Variants in SRSF9 observed in about 807,000 individuals in gnomAD.
SRSF9 encodes the protein serine/arginine-rich splicing factor 9.
In SRSF9, 3 loss-of-function variants were observed where a neutral mutation model predicts 25.9. The observed-to-expected ratio is 0.12, with a 90% CI of 0.05 to 0.30. SRSF9 has a LOEUF of 0.30. Ranked by LOEUF, SRSF9 falls within the 10% of genes least tolerant of loss-of-function variation. The probability of loss-of-function intolerance (pLI) is 1.00; values close to 1 mark genes in which losing one functional copy is unlikely to be tolerated. For missense variants in SRSF9, 161 were observed against 303.5 expected (o/e 0.53, Z 3.49); for synonymous variants, 114 against 113.2 (o/e 1.01, Z -0.05).
intron 1 of SRSF9, among the ~76,000 whole-genome samples, chr12:120,468,499 T>C (rs1878540227): frequency 6.6e-6 from 1 of 152,226 alleles, no homozygotes; most frequent in African/African-American, 2.4e-5. Flanking sequence ...CGGTGCTTCC[T>C]GCCTGCCCTT....
rs868301955 is a variant in SRSF9, at chr12:120,469,697, C to G, written c.-88G>C. Reference sequence around the variant, plus strand: ...TCCCCCCGCAGCGTCCCCGCGGGCTCCGAGGCGCTCAGCCGCACTGCATTG... The same window carrying G: ...TCCCCCCGCAGCGTCCCCGCGGGCTGCGAGGCGCTCAGCCGCACTGCATTG... On this transcript the variant is annotated 5_prime_UTR_variant, in exon 1 of 4. Coordinates refer to ENST00000229390, the MANE Select transcript of SRSF9 (RefSeq NM_003769.3). 4.7e-6 allele frequency: 4 copies of G among 860,016 alleles called. No individual in the cohort carries two copies. The highest frequency in any genetic ancestry group is 4.7e-5 in the Admixed American group (1 of 21,124). The allele number at this position is 860,016 out of a possible 1,614,324, so 53.3% of individuals were successfully genotyped here. A position where few individuals can be genotyped will look rare whatever the true frequency, so the allele number is the denominator to read the frequency against.
At chr12:120,466,171 C>T (rs1344218704) in intron 1 of SRSF9, among the ~76,000 whole-genome samples, 2 of 152,144 alleles carry the variant, frequency 1.3e-5, no homozygotes, top group African/African-American at 4.8e-5. Flanking sequence ...ACACTAACCC[C>T]TTAATATTTT....
intron 2 of SRSF9, 93 bp downstream of exon 2, chr12:120,465,534 G>T: frequency 1.5e-6 from 2 of 1,378,974 alleles, no homozygotes; most frequent in Non-Finnish European, 1.9e-6. Flanking sequence ...CGTGTCCCAT[G>T]CACTGAAGAA....
chr12:120,462,101 G>C lies in SRSF9; in HGVS notation c.584C>G (p.Ser195Cys). The change falls in exon 4 of 4, where the codon TCT becomes TGT. Residue 195 changes from serine to cysteine, a missense_variant. Around this residue, in one of 3 missense-constraint regions of SRSF9, gnomAD observed 41 missense variants for 126.7 expected, o/e 0.32. Transcript: ENST00000229390. ...ERSTSYGYSR[S>C]RSGSRGRDSP... ...GTCACGGCCCCTTGACCCAGACCGA[G>C]ACCGTGAGTAGCCATAGCTGGTGCT... 1 of 1,612,580 alleles carries C rather than the reference G, an allele frequency of 6.2e-7. No homozygotes were observed. The highest frequency in any genetic ancestry group is 8.5e-7 in the Non-Finnish European group (1 of 1,179,932).
chr12:120,465,995 C>T (rs776122709), intron 1 of SRSF9, among the ~76,000 whole-genome samples: 17 of 151,978 alleles, frequency 1.1e-4, no homozygotes, highest in African/African-American at 1.7e-4. Context: ...AGCTGTCACA[C>T]GCAGTTTTAG....
chr12:120,466,635 C>T (rs1419332192), intron 1 of SRSF9, among the ~76,000 whole-genome samples: 1 of 152,044 alleles, frequency 6.6e-6, no homozygotes, highest in Non-Finnish European at 1.5e-5. Flanking sequence ...CTCTTGGGCG[C>T]AAGCAATCCT....
intron 3 of SRSF9, 73 bp downstream of exon 3, chr12:120,463,865 GGCATGGCCTCTT>G: frequency 6.8e-7 from 1 of 1,473,324 alleles, no homozygotes; most frequent in Non-Finnish European, 9.2e-7. Context: ...GTTACCAAAT[GGCATGGCCTCTT>G]GCTACCTCTG....
chr12:120,463,905 G>A lies in SRSF9; in HGVS notation c.522+45C>T, dbSNP rs774700766. On this transcript the variant is annotated intron_variant, in intron 3 of 3. Coordinates refer to ENST00000229390, the MANE Select transcript of SRSF9 (RefSeq NM_003769.3). ...TACCTCTGCTAGGTCAGGTTCAAGTGGAGTGATTTGAGTACAAGCTCCTCA... is the reference window on the plus strand; with the variant it reads ...TACCTCTGCTAGGTCAGGTTCAAGTAGAGTGATTTGAGTACAAGCTCCTCA... 6.4e-6 allele frequency: 10 copies of A among 1,561,188 alleles called. 1 individual carries two copies. In the South Asian group the frequency reaches 1.2e-4, roughly 19 times the overall value.
At chr12:120,468,275 TA>T (rs1305098465) in intron 1 of SRSF9, among the ~76,000 whole-genome samples, 1 of 151,448 alleles carries the variant, frequency 6.6e-6, no homozygotes, top group Admixed American at 6.6e-5. Flanking sequence ...TTTATCAATC[TA>T]AAAAAATAAG....
Position 120,469,409 on chromosome 12 carries a change from G to T in SRSF9, c.188+13C>A. The T allele has an allele frequency of 6.4e-7, 1 of 1,570,154 alleles. No homozygotes were observed. Among genetic ancestry groups the T allele is most frequent in the Admixed American group, 1.8e-5 (1 of 56,030 alleles). On this transcript the variant is annotated intron_variant, in intron 1 of 3. Transcript: ENST00000229390. ...GCACCGAGGAGGAGAGGGCAGGGGC[G>T]CGGGGGCCTCACCGGGGGTCCTCGA...
At chr12:120,466,661 T>C (rs898520371) in intron 1 of SRSF9, among the ~76,000 whole-genome samples, 1 of 152,114 alleles carries the variant, frequency 6.6e-6, no homozygotes, top group Non-Finnish European at 1.5e-5. Flanking sequence ...CTCAGCCTCC[T>C]GAATAGCTAG....
intron 1 of SRSF9, among the ~76,000 whole-genome samples, chr12:120,468,444 T>C (rs1371851257): frequency 6.6e-6 from 1 of 152,174 alleles, no homozygotes; most frequent in African/African-American, 2.4e-5. Context: ...GAGGAGATAC[T>C]AGGGATGAGC....
chr12:120,468,407 A>G (rs923946025), intron 1 of SRSF9, among the ~76,000 whole-genome samples: 2 of 152,200 alleles, frequency 1.3e-5, no homozygotes, highest in East Asian at 3.8e-4. Context: ...AGGGGTAAAA[A>G]TGCCCAGTTC....
chr12:120,467,330 G>A (rs374541832), intron 1 of SRSF9, among the ~76,000 whole-genome samples: 24 of 152,098 alleles, frequency 1.6e-4, no homozygotes, highest in African/African-American at 5.3e-4. Flanking sequence ...GAAACCCCTC[G>A]TCTCTACTAA....
chr12:120,468,246 A>C (rs1878533756), intron 1 of SRSF9, among the ~76,000 whole-genome samples: 2 of 151,912 alleles, frequency 1.3e-5, no homozygotes. Flanking sequence ...CAGCCTGAGC[A>C]ACATGGTGAA....
intron 1 of SRSF9, among the ~76,000 whole-genome samples, chr12:120,466,111 C>T (rs912288141): frequency 7.2e-5 from 11 of 152,246 alleles, no homozygotes; most frequent in African/African-American, 2.6e-4. Context: ...GCCAATAAAC[C>T]ATCAGTGTTT....
intron 1 of SRSF9, among the ~76,000 whole-genome samples, chr12:120,468,131 T>C (rs1296272680): frequency 7.0e-6 from 1 of 142,748 alleles, no homozygotes; most frequent in Non-Finnish European, 1.5e-5. Context: ...ACCTCATAAA[T>C]TGTTAAAAAT....
In SRSF9 at chr12:120,462,072, G is replaced by A; in HGVS notation, c.613C>T (p.Pro205Ser). The A allele has an allele frequency of 6.2e-7, 1 of 1,612,216 alleles. No homozygotes were observed. The highest frequency in any genetic ancestry group is 8.5e-7 in the Non-Finnish European group (1 of 1,179,912). Residue 205 changes from proline (P) to serine (S), a missense_variant, in exon 4 of 4, where the codon CCA (proline) becomes TCA (serine). This residue lies in a region of SRSF9 where 21 missense variants were observed against 20.1 expected (regional missense o/e 1.05). Transcript: ENST00000229390. ...TGTGGGGAACCCCTGCTTTGGTATG[G>A]AGAGTCACGGCCCCTTGACCCAGAC... is the stretch of plus-strand genomic sequence containing the variant. ...SRSGSRGRDS[P>S]YQSRGSPHYF...
intron 1 of SRSF9, 75 bp downstream of exon 1, chr12:120,469,347 C>G (rs140319695): frequency 0.1 from 111,122 of 1,113,288 alleles, 6,087 homozygotes; most frequent in Non-Finnish European, 0.11. Context: ...GAGGGGAGCC[C>G]TGGGGGAGGG....
Sources: gnomAD v4.1 joint callset for allele counts (sites outside exome capture counted in the v4.1 genomes callset) on GRCh38, gnomAD v4.1.1 for gene constraint, gnomAD v4.1.1 regional missense constraint, MANE v1.5 for transcripts, NCBI Gene and HGNC (gene_info 2026-07-23, HGNC 2026-07-21) for gene names.